The following CDH17 variants were observed in gnomAD, a reference collection of about 807,000 sequenced individuals.
CDH17 encodes the protein cadherin-17.
A neutral mutation model predicts 86.3 loss-of-function variants in CDH17; 67 were observed. The observed-to-expected ratio is 0.78, with a 90% CI of 0.64 to 0.95. The LOEUF (loss-of-function observed/expected upper bound fraction) is 0.95. Among genes scored for constraint, CDH17 ranks in the 40% least tolerant of loss-of-function variants. The pLI is 0.00. For missense variants in CDH17, 993 were observed against 1,017.6 expected (o/e 0.98, Z 0.33); for synonymous variants, 367 against 366.4 (o/e 1.00, Z -0.02).
At chr8:94,137,835 T>A (rs1165241405) in intron 15 of CDH17, among the ~76,000 whole-genome samples, 1 of 152,246 alleles carries the variant, frequency 6.6e-6, no homozygotes, top group African/African-American at 2.4e-5. Context: ...TTACAAATTT[T>A]ATCATGTAGA....
intron 3 of CDH17, among the ~76,000 whole-genome samples, chr8:94,188,456 G>A (rs1340534173): frequency 6.6e-6 from 1 of 152,096 alleles, no homozygotes; most frequent in East Asian, 1.9e-4. Flanking sequence ...TTCAGGGGAC[G>A]GGGAGGGGTC....
intron 15 of CDH17, among the ~76,000 whole-genome samples, chr8:94,132,517 G>GT (rs989269162): frequency 1.3e-5 from 2 of 152,044 alleles, no homozygotes; most frequent in Middle Eastern, 3.2e-3. Context: ...TGATGGGGTC[G>GT]TTTTTTTCTT....
chr8:94,197,972 A>G (rs1286865984), intron 1 of CDH17, among the ~76,000 whole-genome samples: 1 of 152,152 alleles, frequency 6.6e-6, no homozygotes, highest in Non-Finnish European at 1.5e-5. Flanking sequence ...AAAGACATAC[A>G]GCTAGGAAGT....
At chr8:94,137,917 A>G (rs1812562904) in intron 15 of CDH17, among the ~76,000 whole-genome samples, 1 of 152,130 alleles carries the variant, frequency 6.6e-6, no homozygotes, top group Admixed American at 6.5e-5. Context: ...AGTACCTGGG[A>G]CTGAGCTTCT....
chr8:94,128,439 A>G, intron 17 of CDH17, 99 bp from the exon 18 acceptor site: 1 of 742,808 alleles, frequency 1.3e-6, no homozygotes, highest in Non-Finnish European at 2.2e-6. Context: ...AAATGACTCA[A>G]CTTCATTTTT....
chr8:94,174,007 T>C lies in CDH17; in HGVS notation c.584-11A>G, dbSNP rs1448495580. The C allele has an allele frequency of 1.9e-6, 3 of 1,612,544 alleles. No homozygotes were observed. The highest frequency in any genetic ancestry group is 1.1e-5 in the South Asian group (1 of 91,048). Reference sequence around the variant, plus strand: ...TCAATTCCTGAGATCCTGTGAGAAGTAGGGGAGAAGGGAATAGGAAGTGTC... The same window carrying C: ...TCAATTCCTGAGATCCTGTGAGAAGCAGGGGAGAAGGGAATAGGAAGTGTC... On this transcript the variant is annotated splice_polypyrimidine_tract_variant and intron_variant, in intron 6 of 17. Transcript: ENST00000027335.
Position 94,173,911 on chromosome 8 carries a change from G to A in CDH17, c.669C>T (p.Ser223=), listed in dbSNP as rs563318992. The A allele has an allele frequency of 2.3e-4, 375 of 1,613,560 alleles. 9 individuals carry two copies. The South Asian group carries it at 3.9e-3, about 17-fold the overall frequency. Residue 223 remains serine, a synonymous_variant, in exon 7 of 18, where the codon TCC becomes TCT. Transcript: ENST00000027335. ...VKDMGGQSEN[S]FSDTTSVDII... Reference sequence around the variant, plus strand: ...TATCCACAGATGTGGTATCACTGAAGGAATTCTCACTCTGGCCTCCCATGT... The same window carrying A: ...TATCCACAGATGTGGTATCACTGAAAGAATTCTCACTCTGGCCTCCCATGT...
intron 5 of CDH17, among the ~76,000 whole-genome samples, chr8:94,176,045 C>T (rs1813364345): frequency 2.0e-5 from 3 of 152,084 alleles, no homozygotes; most frequent in Admixed American, 1.3e-4. Context: ...TGCACCACCA[C>T]ACCTGGCAAA....
intron 11 of CDH17, 86 bp downstream of exon 11, chr8:94,162,000 A>G: frequency 2.4e-6 from 2 of 845,756 alleles, no homozygotes; most frequent in Non-Finnish European, 3.9e-6. Flanking sequence ...CACTTTTCCT[A>G]GCTACTGTCT....
chr8:94,152,691 C>A (rs905386933), intron 12 of CDH17, among the ~76,000 whole-genome samples: 1 of 152,148 alleles, frequency 6.6e-6, no homozygotes, highest in East Asian at 1.9e-4. Context: ...AGCCACCATG[C>A]CTGGCTGGAA....
intron 3 of CDH17, among the ~76,000 whole-genome samples, chr8:94,183,870 G>A (rs1813528270): frequency 1.3e-5 from 2 of 151,646 alleles, no homozygotes; most frequent in South Asian, 4.2e-4. Context: ...ACAATAAAAA[G>A]ACAAATAACC....
At chr8:94,188,070 G>A (rs1410959477) in intron 3 of CDH17, among the ~76,000 whole-genome samples, 1 of 152,124 alleles carries the variant, frequency 6.6e-6, no homozygotes, top group African/African-American at 2.4e-5. Flanking sequence ...GCACAATACA[G>A]TTGTCCCTTG....
chr8:94,158,890 G>C (rs1184542618), intron 12 of CDH17, among the ~76,000 whole-genome samples: 1 of 152,114 alleles, frequency 6.6e-6, no homozygotes, highest in Non-Finnish European at 1.5e-5. Flanking sequence ...ATTCTATTTT[G>C]TCTTCATTTT....
intron 15 of CDH17, 117 bp from the exon 16 acceptor site, chr8:94,131,109 A>C (rs1475683983): frequency 3.0e-6 from 2 of 664,564 alleles, no homozygotes; most frequent in Admixed American, 4.8e-5. Context: ...TATGAGTTAA[A>C]CTGCCCAAAG....
intron 1 of CDH17, chr8:94,202,962 G>A (rs941647567): frequency 3.7e-5 from 12 of 321,728 alleles, no homozygotes; most frequent in Middle Eastern, 1.0e-3. Flanking sequence ...TAGCTCTGAG[G>A]TTCCCCTTTT....
intron 15 of CDH17, among the ~76,000 whole-genome samples, chr8:94,140,364 A>C (rs1245013868): frequency 6.6e-6 from 1 of 152,140 alleles, no homozygotes; most frequent in Non-Finnish European, 1.5e-5. Flanking sequence ...CAGGAATTCA[A>C]GGCTGCAGTA....
At chr8:94,210,226 T>TAAAAAAAAAAAAAAAAAAAAAA (rs71567010), upstream of CDH17, among the ~76,000 whole-genome samples, 1 of 53,434 alleles carries the variant, frequency 1.9e-5, no homozygotes. Flanking sequence ...TTTATGCGAG[T>TAAAAAAAAAAAAAAAAAAAAAA]AAAAAAAAAA....
At chr8:94,159,790 C>T (rs1227290849) in intron 12 of CDH17, among the ~76,000 whole-genome samples, 181 bp downstream of exon 12, 1 of 152,092 alleles carries the variant, frequency 6.6e-6, no homozygotes, top group African/African-American at 2.4e-5. Context: ...GTCTAGAATC[C>T]TGACTTCCCG....
chr8:94,195,047 G>C (rs768658415), intron 1 of CDH17, among the ~76,000 whole-genome samples: 2 of 152,174 alleles, frequency 1.3e-5, no homozygotes, highest in Non-Finnish European at 2.9e-5. Flanking sequence ...TGTCATCCAG[G>C]CTGTAGTGCA....
Sources: gnomAD v4.1 joint callset for allele counts (sites outside exome capture counted in the v4.1 genomes callset) on GRCh38, gnomAD v4.1.1 for gene constraint, MANE v1.5 for transcripts, NCBI Gene and HGNC (gene_info 2026-07-23, HGNC 2026-07-21) for gene names.